The following HDDC2 variants were observed in gnomAD, a reference collection of about 807,000 sequenced individuals.
The protein encoded by HDDC2 is 5'-deoxynucleotidase HDDC2.
In HDDC2, 25 loss-of-function variants were observed where a neutral mutation model predicts 25.5. The observed-to-expected ratio is 0.98, with a 90% confidence interval of 0.72 to 1.37. The LOEUF (loss-of-function observed/expected upper bound fraction) is 1.37. HDDC2 is among the 40% of genes most tolerant of loss of function. The probability of loss-of-function intolerance (pLI) is 0.00; values close to 1 mark genes in which losing one functional copy is unlikely to be tolerated. For missense variants in HDDC2, 264 were observed against 253.1 expected (o/e 1.04, Z -0.29); for synonymous variants, 106 against 89.7 (o/e 1.18, Z -1.03).
intron 4 of HDDC2, among the ~76,000 whole-genome samples, chr6:125,286,793 C>G (rs1018494368): frequency 4.6e-5 from 7 of 152,176 alleles, no homozygotes; most frequent in Non-Finnish European, 4.4e-5. Context: ...ATATTTACCC[C>G]CCTTTTCCTA....
At position 125,290,569 on chromosome 6, in the gene HDDC2, G is replaced by C. The variant is rs150987546; in HGVS notation, c.378+2272C>G. On this transcript the variant is annotated intron_variant, in intron 4 of 5. Transcript: ENST00000398153. ...GTCTCGACAGAAGTGATCAAGTTAA[G>C]ACGTGGTCTTACTTGATGAGAGCGG... Among the ~76,000 whole-genome samples the C allele has an allele frequency of 1.3e-3, 194 of 152,318 alleles. 1 individual carries two copies. Among genetic ancestry groups the C allele is most frequent in the African/African-American group, 4.6e-3 (190 of 41,552 alleles).
At chr6:125,283,301 G>A (rs974654706) in intron 4 of HDDC2, among the ~76,000 whole-genome samples, 3 of 152,186 alleles carry the variant, frequency 2.0e-5, no homozygotes, top group Non-Finnish European at 4.4e-5. Flanking sequence ...ACATGTTATT[G>A]GAAGTTCTGG....
chr6:125,284,335 C>T (rs1798501665), intron 4 of HDDC2, among the ~76,000 whole-genome samples: 1 of 152,122 alleles, frequency 6.6e-6, no homozygotes, highest in South Asian at 2.1e-4. Flanking sequence ...AACTAAAGAG[C>T]TTCTGCACAG....
At chr6:125,293,221 T>C (rs1798656938) in intron 3 of HDDC2, 1 of 426,162 alleles carries the variant, frequency 2.3e-6, no homozygotes, top group African/African-American at 2.0e-5. Flanking sequence ...TTCAAGGATT[T>C]TACATCTGTG....
intron 3 of HDDC2, 188 bp downstream of exon 3, chr6:125,298,526 T>G (rs946062308): frequency 6.6e-6 from 4 of 602,694 alleles, no homozygotes; most frequent in African/African-American, 5.6e-5. Flanking sequence ...GTCAGATCCA[T>G]CTTAATATTC....
chr6:125,290,816 AC>A (rs1798620000), intron 4 of HDDC2, among the ~76,000 whole-genome samples: 1 of 152,150 alleles, frequency 6.6e-6, no homozygotes, highest in Admixed American at 6.5e-5. Flanking sequence ...TAAACTTATT[AC>A]CTCTTTAGGG....
In HDDC2 at chr6:125,291,958, C is replaced by T. The variant is rs377254980; in HGVS notation, c.378+883G>A. Among the ~76,000 whole-genome samples the T allele has an allele frequency of 5.9e-5, 9 of 152,262 alleles. No homozygotes were observed. In the South Asian group the frequency reaches 1.2e-3, roughly 21 times the overall value. On this transcript the variant is annotated intron_variant, in intron 4 of 5. Coordinates refer to ENST00000398153, the MANE Select transcript of HDDC2 (RefSeq NM_016063.3). ...TCCTAAGACAAGGGACAACCTGACC[C>T]AGCACATGAGGGAGTAAGACATGAA...
chr6:125,286,283 GTGTGAAATGGTGAAATGTTTTAACAA>G (rs1798533500), intron 4 of HDDC2, among the ~76,000 whole-genome samples: 1 of 152,198 alleles, frequency 6.6e-6, no homozygotes, highest in Non-Finnish European at 1.5e-5. Context: ...AAAGGTCATA[GTGTGAAATGGTGAAATGTTTTAACAA>G]TGTAGATATA....
rs1715874223 is a variant in HDDC2, at chr6:125,278,133, T to C, written c.379-893A>G. ...GGTTTCTTGGCAGGGTGATGTGATA[T>C]GAATCAATTAAAGGTTTCTTAGTTT... On this transcript the variant is annotated intron_variant, in intron 4 of 5. Coordinates refer to ENST00000398153, the MANE Select transcript of HDDC2 (RefSeq NM_016063.3). 3 of 152,256 alleles carry C rather than the reference T, an allele frequency of 2.0e-5. No individual in the cohort carries two copies. In the South Asian group the frequency reaches 6.2e-4, roughly 31 times the overall value. The allele number at this position is 152,256 out of a possible 1,614,324, so 9.4% of individuals were successfully genotyped here. A position where few individuals can be genotyped will look rare whatever the true frequency, so the allele number is the denominator to read the frequency against.
Position 125,276,219 on chromosome 6 carries a change from A to C in HDDC2, c.542T>G (p.Val181Gly). 6.2e-7 allele frequency: 1 copy of C among 1,614,130 alleles called. No individual in the cohort carries two copies. The highest frequency in any genetic ancestry group is 1.7e-5 in the Admixed American group (1 of 60,026). The change falls in exon 6 of 6, where the codon GTC becomes GGC. Residue 181 changes from valine to glycine, a missense_variant. Coordinates refer to ENST00000398153, the MANE Select transcript of HDDC2 (RefSeq NM_016063.3). Reference protein sequence around the residue: ...TAGKFNHPEIVQLVSELEAER... With the variant: ...TAGKFNHPEIGQLVSELEAER... ...TGCCTCAAGTTCAGAAACAAGCTGG[A>C]CTATCTCAGGGTGATTGAATTTTCC...
At chr6:125,281,825 A>T (rs1798462293) in intron 4 of HDDC2, among the ~76,000 whole-genome samples, 1 of 152,198 alleles carries the variant, frequency 6.6e-6, no homozygotes, top group African/African-American at 2.4e-5. Context: ...ATAGGCCAGC[A>T]TTCAAATTCA....
At position 125,290,847 on chromosome 6, in the gene HDDC2, C is replaced by T. The variant is rs369990772; in HGVS notation, c.378+1994G>A. Reference sequence around the variant, plus strand: ...TTAGGGGTTATCAAGTGTTTTAATTCTCTGTTTTATATTTGTTCAAATTCA... The same window carrying T: ...TTAGGGGTTATCAAGTGTTTTAATTTTCTGTTTTATATTTGTTCAAATTCA... On this transcript the variant is annotated intron_variant, in intron 4 of 5. Transcript: ENST00000398153. Among the ~76,000 whole-genome samples, 8 of 152,246 alleles carry T rather than the reference C, an allele frequency of 5.3e-5. No homozygotes were observed. The South Asian group carries it at 1.2e-3, about 24-fold the overall frequency.
chr6:125,288,647 A>G (rs1328349056), intron 4 of HDDC2, among the ~76,000 whole-genome samples: 19 of 151,546 alleles, frequency 1.3e-4, no homozygotes. Flanking sequence ...AAAAACAAAC[A>G]ACCCCATCAA....
At chr6:125,281,886 GAC>G (rs1402398691) in intron 4 of HDDC2, among the ~76,000 whole-genome samples, 8 of 152,206 alleles carry the variant, frequency 5.3e-5, no homozygotes, top group African/African-American at 1.9e-4. Flanking sequence ...GCAACCCCAA[GAC>G]ACATAATCAG....
chr6:125,286,761 C>A (rs534905069), intron 4 of HDDC2, among the ~76,000 whole-genome samples: 24 of 152,268 alleles, frequency 1.6e-4, no homozygotes, highest in Admixed American at 1.6e-3. Context: ...GAACGCCCTG[C>A]CATTTCTGCT....
At position 125,301,845 on chromosome 6, in the gene HDDC2, T is replaced by C; in HGVS notation, c.84+4A>G. 1 of 1,540,848 alleles carries C rather than the reference T, an allele frequency of 6.5e-7. No individual in the cohort carries two copies. ...CGCGGCCTCCCGGCCTGGTGCCCGC[T>C]CACCTTGAGCTGCCCTACCAGCCGC... On this transcript the variant is annotated splice_donor_region_variant and intron_variant, in intron 1 of 5. Coordinates refer to ENST00000398153, the MANE Select transcript of HDDC2 (RefSeq NM_016063.3).
rs569490399 is a variant in HDDC2, at chr6:125,294,727, G to A, written c.310-1818C>T. ...TCTTTAAAATGACACACCTAGAACT[G>A]AATACAGTGATATATGTATGATCTG... On this transcript the variant is annotated intron_variant, in intron 3 of 5. Coordinates refer to ENST00000398153, the MANE Select transcript of HDDC2 (RefSeq NM_016063.3). Among the ~76,000 whole-genome samples the A allele has an allele frequency of 2.0e-5, 3 of 152,180 alleles. No homozygotes were observed. In the East Asian group the frequency reaches 5.8e-4, roughly 29 times the overall value.
intron 3 of HDDC2, chr6:125,293,279 A>C: frequency 7.2e-6 from 2 of 277,576 alleles, no homozygotes; most frequent in Admixed American, 9.1e-5. Context: ...AGCATATGAG[A>C]GTTCAAAACA....
intron 4 of HDDC2, among the ~76,000 whole-genome samples, chr6:125,286,554 T>C (rs1045976302): frequency 2.0e-5 from 3 of 152,266 alleles, no homozygotes; most frequent in Non-Finnish European, 4.4e-5. Flanking sequence ...CGCACCACAA[T>C]AGAGAAGTGG....
Sources: gnomAD v4.1 joint callset for allele counts (sites outside exome capture counted in the v4.1 genomes callset) on GRCh38, gnomAD v4.1.1 for gene constraint, MANE v1.5 for transcripts, NCBI Gene and HGNC (gene_info 2026-07-23, HGNC 2026-07-21) for gene names.